NKAIN2: variants seen among roughly 807,000 people sequenced by gnomAD.
The protein encoded by NKAIN2 is sodium/potassium-transporting ATPase subunit beta-1-interacting protein 2.
A neutral mutation model predicts 32.6 loss-of-function variants in NKAIN2; 14 were observed. The ratio of observed to expected loss-of-function variants is 0.43; its 90% confidence interval spans 0.28 to 0.67. NKAIN2 has a LOEUF of 0.67. NKAIN2 is among the 30% of genes least tolerant of loss of function. The pLI, the probability that NKAIN2 is intolerant of heterozygous loss-of-function variation, is 0.17. For missense variants in NKAIN2, 198 were observed against 258.3 expected (o/e 0.77, Z 1.60); for synonymous variants, 80 against 87.2 (o/e 0.92, Z 0.46).
chr6:124,079,839 G>A (rs1016171129), intron 1 of NKAIN2, among the ~76,000 whole-genome samples: 3 of 151,846 alleles, frequency 2.0e-5, no homozygotes, highest in Non-Finnish European at 4.4e-5. Flanking sequence ...CCGAAACACA[G>A]GAAACCTGCC....
At chr6:123,970,120 T>A (rs1166480496) in intron 1 of NKAIN2, among the ~76,000 whole-genome samples, 1 of 151,812 alleles carries the variant, frequency 6.6e-6, no homozygotes, top group East Asian at 1.9e-4. Flanking sequence ...GATATATATA[T>A]ATATATGTAT....
At chr6:124,437,871 GATTT>G (rs1775520134) in intron 3 of NKAIN2, 2 of 328,790 alleles carry the variant, frequency 6.1e-6, no homozygotes, top group African/African-American at 2.9e-5. Context: ...CTGATCTATT[GATTT>G]TTTTTTTTTT....
At chr6:124,610,631 A>G (rs1703382808) in intron 3 of NKAIN2, among the ~76,000 whole-genome samples, 1 of 152,156 alleles carries the variant, frequency 6.6e-6, no homozygotes, top group Non-Finnish European at 1.5e-5. Flanking sequence ...TGGGTTTGAC[A>G]CTAGTTTTCT....
chr6:124,449,317 A>T (rs1333231573), intron 3 of NKAIN2, among the ~76,000 whole-genome samples: 1 of 152,028 alleles, frequency 6.6e-6, no homozygotes, highest in Non-Finnish European at 1.5e-5. Flanking sequence ...ACTATTGGAG[A>T]CATAAAGCAA....
Position 123,887,942 on chromosome 6 carries a change from C to G in NKAIN2, c.54+83688C>G, listed in dbSNP as rs1222833186. 3.3e-5 allele frequency among the ~76,000 whole-genome samples: 5 copies of G among 152,014 alleles called. No homozygotes were observed. In the South Asian group the frequency reaches 1.0e-3, roughly 32 times the overall value. On this transcript the variant is annotated intron_variant, in intron 1 of 6. Coordinates refer to ENST00000368417, the MANE Select transcript of NKAIN2 (RefSeq NM_001040214.3). Reference sequence around the variant, plus strand: ...TGTCACTTTGGGCAATTTACTTAACCTTGCTGTTCATCAGTTTGTTTTGTA... The same window carrying G: ...TGTCACTTTGGGCAATTTACTTAACGTTGCTGTTCATCAGTTTGTTTTGTA...
At chr6:124,133,815 A>C (rs372863735) in intron 1 of NKAIN2, among the ~76,000 whole-genome samples, 2 of 152,154 alleles carry the variant, frequency 1.3e-5, no homozygotes, top group Non-Finnish European at 1.5e-5. Context: ...TTAGGCTAAA[A>C]TAAACATTAA....
At chr6:124,145,353 CTG>C (rs369253876) in intron 1 of NKAIN2, among the ~76,000 whole-genome samples, 64 of 152,250 alleles carry the variant, frequency 4.2e-4, no homozygotes, top group African/African-American at 1.5e-3. Context: ...TAGCCAAAAA[CTG>C]AAATCAGCCA....
At chr6:124,272,426 G>A (rs1036697488) in intron 1 of NKAIN2, among the ~76,000 whole-genome samples, 6 of 152,186 alleles carry the variant, frequency 3.9e-5, no homozygotes, top group African/African-American at 1.4e-4. Flanking sequence ...CTTCCACATG[G>A]TGTTGAGCTT....
At chr6:124,238,142 G>C (rs186680344) in intron 1 of NKAIN2, among the ~76,000 whole-genome samples, 1 of 151,984 alleles carries the variant, frequency 6.6e-6, no homozygotes, top group Admixed American at 6.6e-5. Flanking sequence ...TCTGACATCT[G>C]AGGGGGTAGA....
intron 3 of NKAIN2, among the ~76,000 whole-genome samples, chr6:124,401,019 A>G (rs62436284): frequency 6.6e-6 from 1 of 152,114 alleles, no homozygotes; most frequent in Non-Finnish European, 1.5e-5. Flanking sequence ...TTCAAATGTC[A>G]TTATGCTTGT....
At chr6:123,997,449 A>G (rs1779668933) in intron 1 of NKAIN2, among the ~76,000 whole-genome samples, 1 of 152,158 alleles carries the variant, frequency 6.6e-6, no homozygotes, top group African/African-American at 2.4e-5. Flanking sequence ...GACCAGTGCC[A>G]ACTCACAATG....
rs191364724 is a variant in NKAIN2 at position 124,666,125 on chromosome 6, G to T, written c.474+7739G>T. 1.2e-4 allele frequency among the ~76,000 whole-genome samples: 19 copies of T among 152,220 alleles called. No homozygotes were observed. In the East Asian group the frequency reaches 3.5e-3, roughly 28 times the overall value. On this transcript the variant is annotated intron_variant, in intron 4 of 6. Transcript: ENST00000368417. ...CTACTACTCCAACTCTAGTTCTCCT[G>T]TGTACCAGAAACACAAACCTGCTTG... is the stretch of plus-strand genomic sequence containing the variant.
At chr6:124,275,879 T>C (rs1004280800) in intron 1 of NKAIN2, among the ~76,000 whole-genome samples, 1 of 152,158 alleles carries the variant, frequency 6.6e-6, no homozygotes, top group Non-Finnish European at 1.5e-5. Flanking sequence ...TAATAACTAA[T>C]GTATGTACAT....
Position 124,274,685 on chromosome 6 carries a change from A to G in NKAIN2, c.55-8320A>G, listed in dbSNP as rs370231122. Among the ~76,000 whole-genome samples, 20 of 152,252 alleles carry G rather than the reference A, an allele frequency of 1.3e-4. No individual in the cohort carries two copies. The East Asian group carries it at 1.4e-3, about 10-fold the overall frequency. ...GTAAACGCATGATTTAAAAGTAAGC[A>G]TTAACTTAAAAACATATTATTTATT... is the stretch of plus-strand genomic sequence containing the variant. On this transcript the variant is annotated intron_variant, in intron 1 of 6. Transcript: ENST00000368417.
chr6:123,998,477 G>A (rs866481485), intron 1 of NKAIN2, among the ~76,000 whole-genome samples: 2 of 152,186 alleles, frequency 1.3e-5, no homozygotes, highest in Non-Finnish European at 2.9e-5. Flanking sequence ...GTGCTGTGAC[G>A]TTTGAAATCG....
intron 1 of NKAIN2, among the ~76,000 whole-genome samples, chr6:124,250,995 C>A (rs115071196): frequency 0.014 from 2,084 of 151,922 alleles, 45 homozygotes; most frequent in African/African-American, 0.048. Context: ...CTAAAGTAAT[C>A]ACTAAAAGAA....
At chr6:124,223,725 CTACTT>C (rs1335450502) in intron 1 of NKAIN2, among the ~76,000 whole-genome samples, 1 of 152,004 alleles carries the variant, frequency 6.6e-6, no homozygotes, top group African/African-American at 2.4e-5. Flanking sequence ...GAACTCAATC[CTACTT>C]TATTTTCTAT....
chr6:123,819,298 C>T (rs1304059346), intron 1 of NKAIN2, among the ~76,000 whole-genome samples: 3 of 152,066 alleles, frequency 2.0e-5, no homozygotes, highest in Non-Finnish European at 4.4e-5. Flanking sequence ...CTACTGTATT[C>T]ACTTGAAGCC....
chr6:124,268,017 A>C (rs991162788), intron 1 of NKAIN2, among the ~76,000 whole-genome samples: 1 of 152,224 alleles, frequency 6.6e-6, no homozygotes, highest in African/African-American at 2.4e-5. Flanking sequence ...AATATGCTTA[A>C]ACTTCATTTT....
Sources: allele counts gnomAD v4.1 joint callset (sites outside exome capture counted in the v4.1 genomes callset), GRCh38; gene constraint gnomAD v4.1.1; transcripts MANE v1.5; gene names NCBI Gene and HGNC (gene_info 2026-07-23, HGNC 2026-07-21).